IFT43: variants seen among roughly 807,000 people sequenced by gnomAD.
IFT43 encodes intraflagellar transport 43, also known as intraflagellar transport protein 43 homolog.
Under a neutral mutation model 32.3 loss-of-function variants are expected in IFT43, and 33 were observed. The ratio of observed to expected loss-of-function variants is 1.02; its 90% CI spans 0.77 to 1.37. The LOEUF (loss-of-function observed/expected upper bound fraction) is 1.37, where lower values mean the gene tolerates loss of function less well. Among genes scored for constraint, IFT43 ranks in the 40% most tolerant of loss-of-function variants. The probability of loss-of-function intolerance (pLI) is 0.00; values close to 1 mark genes in which losing one functional copy is unlikely to be tolerated. For synonymous variants in IFT43, 93 were observed against 98.2 expected, an observed-to-expected ratio of 0.95 and a Z score of 0.31; for missense variants, 274 against 265.9, an observed-to-expected ratio of 1.03 and a Z score of -0.21.
intron 3 of IFT43, among the ~76,000 whole-genome samples, chr14:76,047,661 G>A (rs2036833421): frequency 6.6e-6 from 1 of 151,742 alleles, no homozygotes; most frequent in South Asian, 2.1e-4. Flanking sequence ...TTGAAAAAGG[G>A]AAGAGGCAGG....
intron 5 of IFT43, among the ~76,000 whole-genome samples, chr14:76,068,871 C>T (rs745311725): frequency 3.3e-5 from 5 of 152,096 alleles, no homozygotes; most frequent in Non-Finnish European, 2.9e-5. Context: ...AGCATGGGGA[C>T]GTGATGATGA....
chr14:76,045,153 TCTTAAGGGCTCA>T (rs1321243773), intron 3 of IFT43, among the ~76,000 whole-genome samples: 1 of 152,156 alleles, frequency 6.6e-6, no homozygotes. Context: ...AACACACTCT[TCTTAAGGGCTCA>T]CTCATCCTCC....
intron 2 of IFT43, among the ~76,000 whole-genome samples, chr14:75,999,260 T>A (rs1462972087): frequency 8.1e-4 from 16 of 19,756 alleles, no homozygotes; most frequent in South Asian, 1.8e-3. Flanking sequence ...TATATATATA[T>A]ATATATATAT....
At chr14:76,032,543 C>T (rs1023663506) in intron 3 of IFT43, among the ~76,000 whole-genome samples, 3 of 152,208 alleles carry the variant, frequency 2.0e-5, no homozygotes, top group Non-Finnish European at 4.4e-5. Context: ...GACATATCCA[C>T]ATGCATGCAT....
intron 5 of IFT43, among the ~76,000 whole-genome samples, chr14:76,068,473 C>A (rs1364515562): frequency 1.3e-5 from 2 of 152,224 alleles, no homozygotes; most frequent in African/African-American, 4.8e-5. Flanking sequence ...TTACCCACAA[C>A]TATAGCTGAC....
At chr14:76,041,622 A>G (rs909267706) in intron 3 of IFT43, among the ~76,000 whole-genome samples, 1 of 152,212 alleles carries the variant, frequency 6.6e-6, no homozygotes, top group African/African-American at 2.4e-5. Flanking sequence ...TTCAAACAAG[A>G]CAGATAAAGC....
At chr14:76,048,813 G>T (rs1370109508) in intron 3 of IFT43, among the ~76,000 whole-genome samples, 1 of 152,184 alleles carries the variant, frequency 6.6e-6, no homozygotes, top group Admixed American at 6.5e-5. Context: ...ATTTACCAGG[G>T]ATTCACCAGG....
chr14:76,016,165 T>C (rs1721050335), intron 2 of IFT43, among the ~76,000 whole-genome samples: 3 of 152,224 alleles, frequency 2.0e-5, no homozygotes, highest in Admixed American at 2.0e-4. Context: ...AGAAGGTTTC[T>C]TTTAGTAGTT....
At chr14:76,082,837 G>GT (rs1475650668) in intron 7 of IFT43, 145 bp downstream of exon 7, 2 of 750,762 alleles carry the variant, frequency 2.7e-6, no homozygotes, top group Non-Finnish European at 4.8e-6. Flanking sequence ...TCTGCTGCAG[G>GT]TTTTATCATC....
intron 3 of IFT43, among the ~76,000 whole-genome samples, chr14:76,029,851 T>TTTTTATTTTATTTTATTTTATTTTA (rs58097236): frequency 0.012 from 1,415 of 117,456 alleles, 44 homozygotes; most frequent in South Asian, 0.038. Flanking sequence ...TTTATTTTTA[T>TTTTTATTTTATTTTATTTTATTTTA]TTTTATTTTA....
chr14:76,048,927 C>T (rs895291365), intron 3 of IFT43, among the ~76,000 whole-genome samples: 2 of 152,196 alleles, frequency 1.3e-5, no homozygotes, highest in African/African-American at 2.4e-5. Flanking sequence ...TCATGTACCT[C>T]ATGACTTGGG....
At chr14:76,017,170 A>G (rs1225471073) in intron 2 of IFT43, among the ~76,000 whole-genome samples, 17 of 152,098 alleles carry the variant, frequency 1.1e-4, no homozygotes, top group Non-Finnish European at 2.4e-4. Context: ...GTACGATGTT[A>G]GCTGTGGGTT....
At chr14:76,042,180 G>C (rs2140010621) in intron 3 of IFT43, among the ~76,000 whole-genome samples, 1 of 151,556 alleles carries the variant, frequency 6.6e-6, no homozygotes, top group Non-Finnish European at 1.5e-5. Context: ...GCTAAACACA[G>C]TTATCTTTTT....
chr14:76,017,095 T>C (rs897183626), intron 2 of IFT43, among the ~76,000 whole-genome samples: 3 of 152,300 alleles, frequency 2.0e-5, no homozygotes, highest in Admixed American at 1.3e-4. Context: ...ATAAAAGTGG[T>C]GAAAGTGGAC....
intron 2 of IFT43, among the ~76,000 whole-genome samples, chr14:76,001,688 C>T (rs1283217952): frequency 2.0e-5 from 3 of 152,188 alleles, no homozygotes; most frequent in East Asian, 3.8e-4. Context: ...AACAGAATGC[C>T]ACAGAGTGAG....
intron 2 of IFT43, among the ~76,000 whole-genome samples, chr14:75,999,918 C>T (rs1245958180): frequency 6.6e-6 from 1 of 152,156 alleles, no homozygotes; most frequent in Admixed American, 6.5e-5. Flanking sequence ...ATGACGTTAC[C>T]AACTTTGTTT....
intron 3 of IFT43, among the ~76,000 whole-genome samples, chr14:76,030,283 G>A (rs2036485490): frequency 6.6e-6 from 1 of 151,974 alleles, no homozygotes; most frequent in African/African-American, 2.4e-5. Context: ...ATTGTCCCAT[G>A]TTTGGCCAGG....
intron 1 of IFT43, among the ~76,000 whole-genome samples, chr14:75,988,228 A>T (rs2035567031): frequency 6.6e-6 from 1 of 151,876 alleles, no homozygotes; most frequent in South Asian, 2.1e-4. Context: ...AAATAAAATA[A>T]AGTATCCAGA....
At chr14:76,056,626 C>G (rs552511629) in intron 3 of IFT43, among the ~76,000 whole-genome samples, 28 of 152,266 alleles carry the variant, frequency 1.8e-4, no homozygotes, top group Admixed American at 5.9e-4. Flanking sequence ...AAGGCGCCAG[C>G]CTTCCTTCCT....
Sources: gnomAD v4.1 joint callset for allele counts (sites outside exome capture counted in the v4.1 genomes callset) on GRCh38, gnomAD v4.1.1 for gene constraint, MANE v1.5 for transcripts, NCBI Gene and HGNC (gene_info 2026-07-23, HGNC 2026-07-21) for gene names.